Variants in PARP8 observed in about 807,000 individuals in gnomAD.
PARP8 encodes the protein protein mono-ADP-ribosyltransferase PARP8.
In PARP8, 51 loss-of-function variants were observed where a neutral mutation model predicts 124.1. The observed-to-expected ratio is 0.41, with a 90% CI of 0.33 to 0.52. The LOEUF is 0.52. Ranked by LOEUF, PARP8 falls within the 20% of genes least tolerant of loss-of-function variation. PARP8 has a pLI of 0.21. For missense variants in PARP8, 860 were observed against 1,018.9 expected (o/e 0.84, Z 2.12); for synonymous variants, 391 against 361.5 (o/e 1.08, Z -0.93).
chr5:50,755,768 G>T (rs1197426505), intron 3 of PARP8, among the ~76,000 whole-genome samples: 1 of 152,106 alleles, frequency 6.6e-6, no homozygotes, highest in Non-Finnish European at 1.5e-5. Context: ...AAATTACCTT[G>T]GGCAATATGG....
intron 14 of PARP8, among the ~76,000 whole-genome samples, chr5:50,810,691 A>C (rs1744340228): frequency 6.6e-6 from 1 of 152,064 alleles, no homozygotes; most frequent in Non-Finnish European, 1.5e-5. Context: ...TCGGAAATAA[A>C]GTGTGAATAA....
intron 9 of PARP8, among the ~76,000 whole-genome samples, chr5:50,786,521 T>G (rs912805974): frequency 6.6e-6 from 1 of 151,412 alleles, no homozygotes; most frequent in African/African-American, 2.4e-5. Flanking sequence ...TATGCCACCA[T>G]GCCTGGCTAA....
chr5:50,722,542 ATTGTG>A (rs1312233042), intron 2 of PARP8, among the ~76,000 whole-genome samples: 4 of 152,032 alleles, frequency 2.6e-5, no homozygotes, highest in African/African-American at 9.7e-5. Context: ...GTCAGCCTGT[ATTGTG>A]TTAAGTTTTT....
chr5:50,778,977 G>T (rs1740353854), intron 9 of PARP8, among the ~76,000 whole-genome samples: 1 of 152,110 alleles, frequency 6.6e-6, no homozygotes, highest in Non-Finnish European at 1.5e-5. Flanking sequence ...AATTATTTCT[G>T]TCTTTGATTC....
intron 21 of PARP8, 86 bp downstream of exon 21, chr5:50,828,470 C>G: frequency 8.2e-7 from 1 of 1,215,156 alleles, no homozygotes. Context: ...GTTTAACTTG[C>G]AAAAGAGGAA....
chr5:50,826,531 C>T (rs138266137), intron 18 of PARP8, among the ~76,000 whole-genome samples: 4 of 152,068 alleles, frequency 2.6e-5, no homozygotes, highest in African/African-American at 4.8e-5. Context: ...TTTTAGGGAA[C>T]AACTTCCTAG....
chr5:50,674,862 A>G (rs2149436687), intron 2 of PARP8, among the ~76,000 whole-genome samples: 1 of 152,352 alleles, frequency 6.6e-6, no homozygotes, highest in Non-Finnish European at 1.5e-5. Flanking sequence ...TAGAATACAT[A>G]ACGTTTTACG....
chr5:50,672,246 C>T (rs1023009294), intron 2 of PARP8, among the ~76,000 whole-genome samples: 4 of 152,318 alleles, frequency 2.6e-5, no homozygotes, highest in African/African-American at 7.2e-5. Context: ...ATATTGTAAT[C>T]GCCCATTTAT....
At chr5:50,741,054 C>T (rs1471887804) in intron 2 of PARP8, among the ~76,000 whole-genome samples, 11 of 152,076 alleles carry the variant, frequency 7.2e-5, no homozygotes, top group Admixed American at 5.9e-4. Flanking sequence ...TTTATAGCCT[C>T]TTTAAACTTT....
intron 3 of PARP8, among the ~76,000 whole-genome samples, chr5:50,754,645 C>T (rs1177275098): frequency 3.9e-5 from 6 of 152,082 alleles, no homozygotes; most frequent in African/African-American, 7.2e-5. Context: ...AATAAACGTA[C>T]GTATGCATGT....
At chr5:50,788,494 A>G (rs370236061) in intron 9 of PARP8, 29 bp from the exon 10 acceptor site, 36 of 1,600,386 alleles carry the variant, frequency 2.2e-5, no homozygotes, top group Non-Finnish European at 2.7e-5. Flanking sequence ...TCAAGTCAAT[A>G]TGTGACTGTG....
chr5:50,760,455 T>A, intron 5 of PARP8, 93 bp downstream of exon 5: 2 of 1,006,574 alleles, frequency 2.0e-6, no homozygotes, highest in Non-Finnish European at 2.7e-6. Context: ...TTAGTGAGAC[T>A]AAAATGGTAT....
At chr5:50,761,702 A>T in intron 5 of PARP8, 119 bp from the exon 6 acceptor site, 1 of 593,824 alleles carries the variant, frequency 1.7e-6, no homozygotes, top group Non-Finnish European at 2.9e-6. Context: ...CTGCACCAAG[A>T]TGTTTTATAT....
intron 1 of PARP8, 200 bp from the exon 2 acceptor site, chr5:50,667,871 G>A: frequency 1.4e-6 from 2 of 1,467,350 alleles, no homozygotes; most frequent in Non-Finnish European, 1.8e-6. Flanking sequence ...CTTGTTGCGG[G>A]GGGCGGCCTC....
chr5:50,700,288 G>A (rs1753458625), intron 2 of PARP8, among the ~76,000 whole-genome samples: 1 of 152,108 alleles, frequency 6.6e-6, no homozygotes, highest in African/African-American at 2.4e-5. Flanking sequence ...TTTCCTCTTT[G>A]AAATTCTCTG....
intron 14 of PARP8, among the ~76,000 whole-genome samples, chr5:50,812,091 T>A (rs1744521813): frequency 6.6e-6 from 1 of 152,228 alleles, no homozygotes; most frequent in African/African-American, 2.4e-5. Flanking sequence ...TATAATCCTT[T>A]GGGTATATGC....
At chr5:50,754,150 T>TATATACACAC (rs1312947286) in intron 3 of PARP8, among the ~76,000 whole-genome samples, 2 of 37,218 alleles carry the variant, frequency 5.4e-5, no homozygotes, top group Admixed American at 2.6e-4. Flanking sequence ...TATATATATA[T>TATATACACAC]ACACACACAC....
chr5:50,828,405 C>G (rs755686413), intron 21 of PARP8, 21 bp downstream of exon 21: 11 of 1,586,746 alleles, frequency 6.9e-6, no homozygotes, highest in Non-Finnish European at 8.6e-6. Context: ...TGAATGCTTT[C>G]ACAAGACTTC....
At chr5:50,815,803 T>C (rs1415573440) in intron 15 of PARP8, among the ~76,000 whole-genome samples, 3 of 152,200 alleles carry the variant, frequency 2.0e-5, no homozygotes, top group African/African-American at 7.2e-5. Context: ...GTGGAGATAT[T>C]GAAACCCTCG....
Sources: allele counts gnomAD v4.1 joint callset (sites outside exome capture counted in the v4.1 genomes callset), GRCh38; gene constraint gnomAD v4.1.1; transcripts MANE v1.5; gene names NCBI Gene and HGNC (gene_info 2026-07-23, HGNC 2026-07-21).